The following DLG2 variants were observed in gnomAD, a reference collection of about 807,000 sequenced individuals.
DLG2 encodes discs large MAGUK scaffold protein 2.
In DLG2, 45 loss-of-function variants were observed where a neutral mutation model predicts 132.5. The observed-to-expected ratio is 0.34, with a 90% CI of 0.27 to 0.44. The LOEUF is 0.44. DLG2 is among the 20% of genes least tolerant of loss of function. The pLI is 1.00. For missense variants in DLG2, 1,045 were observed against 1,196.9 expected (o/e 0.87, Z 1.87); for synonymous variants, 424 against 419.6 (o/e 1.01, Z -0.13).
intron 6 of DLG2, among the ~76,000 whole-genome samples, chr11:85,039,418 A>G (rs1028289302): frequency 3.9e-5 from 6 of 151,914 alleles, no homozygotes; most frequent in African/African-American, 2.4e-5. Context: ...TAGCATAGTT[A>G]TTATGAACAA....
At chr11:84,811,687 C>T (rs923668631) in intron 6 of DLG2, among the ~76,000 whole-genome samples, 1 of 152,054 alleles carries the variant, frequency 6.6e-6, no homozygotes. Context: ...GATAGGCTTA[C>T]CATTCATTCA....
chr11:83,661,669 C>T (rs2074306169), intron 18 of DLG2, among the ~76,000 whole-genome samples: 1 of 151,974 alleles, frequency 6.6e-6, no homozygotes, highest in Non-Finnish European at 1.5e-5. Flanking sequence ...TGCTGTGACC[C>T]ACGGCTTGGA....
At chr11:84,038,130 C>T (rs1211098944) in intron 11 of DLG2, among the ~76,000 whole-genome samples, 2 of 151,956 alleles carry the variant, frequency 1.3e-5, no homozygotes, top group African/African-American at 2.4e-5. Flanking sequence ...CCCGGCTCCA[C>T]CTTCCACTAG....
intron 6 of DLG2, among the ~76,000 whole-genome samples, chr11:84,796,109 A>G (rs542927583): frequency 2.4e-4 from 37 of 152,328 alleles, no homozygotes; most frequent in African/African-American, 8.4e-4. Flanking sequence ...AGAGGTTTCC[A>G]GCTGGAAAAA....
chr11:84,977,507 A>T (rs2055070353), intron 6 of DLG2, among the ~76,000 whole-genome samples: 1 of 152,156 alleles, frequency 6.6e-6, no homozygotes, highest in South Asian at 2.1e-4. Context: ...GAAAGCATCT[A>T]ACTGATACCC....
chr11:84,862,714 C>A (rs1200518924), intron 6 of DLG2, among the ~76,000 whole-genome samples: 1 of 149,076 alleles, frequency 6.7e-6, no homozygotes, highest in African/African-American at 2.5e-5. Context: ...CAAACTAACA[C>A]AGGAACAGAA....
chr11:83,577,603 A>T (rs1169152881), intron 19 of DLG2, among the ~76,000 whole-genome samples: 1 of 111,330 alleles, frequency 9.0e-6, no homozygotes, highest in Non-Finnish European at 1.8e-5. Context: ...TTATAATAGG[A>T]TATATATTAT....
Position 83,699,881 on chromosome 11 carries a change from CTATGTATG to C in DLG2, c.1826-66564_1826-66557del, listed in dbSNP as rs36080078. 8.1e-4 allele frequency among the ~76,000 whole-genome samples: 119 copies of C among 147,696 alleles called. 1 individual carries two copies. In the South Asian group the frequency reaches 0.02, roughly 25 times the overall value. On this transcript the variant is annotated intron_variant, in intron 18 of 27. Transcript: ENST00000376104. ...TGTATGCATGTATCTGTCTGTCTTTCTATGTATGTATGTATGTATGTATGTATCTATCT... is the reference window on the plus strand; with the variant it reads ...TGTATGCATGTATCTGTCTGTCTTTCTATGTATGTATGTATGTATCTATCT...
intron 17 of DLG2, chr11:83,791,363 T>C: frequency 4.4e-6 from 3 of 681,622 alleles, no homozygotes; most frequent in Non-Finnish European, 7.9e-6. Flanking sequence ...AAGCTTTTGC[T>C]TTTTGATCTG....
At chr11:84,640,114 T>A in intron 6 of DLG2, 1 of 312,362 alleles carries the variant, frequency 3.2e-6, no homozygotes, top group Non-Finnish European at 6.1e-6. Flanking sequence ...TTCTGTCATA[T>A]CAATGTAGAA....
At chr11:83,881,159 T>G (rs1055303372) in intron 15 of DLG2, among the ~76,000 whole-genome samples, 5 of 152,174 alleles carry the variant, frequency 3.3e-5, no homozygotes, top group Non-Finnish European at 5.9e-5. Flanking sequence ...AAGAGTGCCA[T>G]GAGATGCTGA....
At chr11:85,340,520 G>A (rs1239061717) in intron 3 of DLG2, among the ~76,000 whole-genome samples, 2 of 152,112 alleles carry the variant, frequency 1.3e-5, no homozygotes, top group South Asian at 2.1e-4. Flanking sequence ...GGATAGCATT[G>A]GGAGAAATAC....
chr11:84,618,238 T>C (rs1464981895), intron 6 of DLG2, among the ~76,000 whole-genome samples: 2 of 151,946 alleles, frequency 1.3e-5, no homozygotes, highest in Non-Finnish European at 2.9e-5. Context: ...GTCTTGATGC[T>C]TTTACTAAAG....
intron 6 of DLG2, among the ~76,000 whole-genome samples, chr11:84,561,001 G>A (rs2099427905): frequency 1.3e-5 from 2 of 151,996 alleles, no homozygotes; most frequent in African/African-American, 4.8e-5. Flanking sequence ...CTTTTCTCAT[G>A]GTGTTTGGTC....
At chr11:84,675,114 A>G (rs1455847015) in intron 6 of DLG2, among the ~76,000 whole-genome samples, 1 of 152,138 alleles carries the variant, frequency 6.6e-6, no homozygotes, top group Non-Finnish European at 1.5e-5. Context: ...CAAGCCAGGT[A>G]GGGAATCTGC....
At chr11:84,834,294 A>G (rs906609342) in intron 6 of DLG2, among the ~76,000 whole-genome samples, 1 of 151,586 alleles carries the variant, frequency 6.6e-6, no homozygotes, top group African/African-American at 2.4e-5. Context: ...ACTACCCACA[A>G]TACCTCACTT....
chr11:84,343,702 G>T (rs2098526170), intron 7 of DLG2, among the ~76,000 whole-genome samples: 1 of 152,096 alleles, frequency 6.6e-6, no homozygotes. Flanking sequence ...ATTGGTACAG[G>T]TTATGACAAT....
In DLG2 at chr11:84,584,457, C is replaced by CA. The variant is rs201242446; in HGVS notation, c.358-49727dup. 9.4e-3 allele frequency among the ~76,000 whole-genome samples: 1,433 copies of CA among 151,774 alleles called. 21 individuals are homozygous for CA. The highest frequency in any genetic ancestry group is 0.032 in the African/African-American group (1,326 of 41,434). ...AGATATCTTGGATCAAGTGATCCTC[C>CA]AGCCTCAGGCTCCCAAGTAACTGGG... is the stretch of plus-strand genomic sequence containing the variant. On this transcript the variant is annotated intron_variant, in intron 6 of 27. Coordinates refer to ENST00000376104, the MANE Select transcript of DLG2 (RefSeq NM_001142699.3).
intron 6 of DLG2, among the ~76,000 whole-genome samples, chr11:84,680,521 AG>A (rs1436212020): frequency 3.3e-5 from 5 of 152,172 alleles, no homozygotes; most frequent in African/African-American, 1.2e-4. Flanking sequence ...CTTGAAATCC[AG>A]GAAATCATTT....
Sources: gnomAD v4.1 joint callset for allele counts (sites outside exome capture counted in the v4.1 genomes callset) on GRCh38, gnomAD v4.1.1 for gene constraint, MANE v1.5 for transcripts, NCBI Gene and HGNC (gene_info 2026-07-23, HGNC 2026-07-21) for gene names.